The following GRM8 variants were observed in gnomAD, a reference collection of about 807,000 sequenced individuals.
GRM8 encodes the protein glutamate metabotropic receptor 8, also known as metabotropic glutamate receptor 8.
GRM8 carries 47 observed loss-of-function variants against 87.2 expected under a neutral mutation model. The ratio of observed to expected loss-of-function variants is 0.54; its 90% CI spans 0.43 to 0.69. The LOEUF (loss-of-function observed/expected upper bound fraction) is 0.69. GRM8 is among the 30% of genes least tolerant of loss of function. The probability of loss-of-function intolerance (pLI) is 0.00; values close to 1 mark genes in which losing one functional copy is unlikely to be tolerated. For missense variants in GRM8, 1,019 were observed against 1,139.2 expected, an observed-to-expected ratio of 0.89 and a Z score of 1.52; for synonymous variants, 396 against 404.5, an observed-to-expected ratio of 0.98 and a Z score of 0.25.
chr7:126,658,247 A>G (rs1418286328), intron 7 of GRM8, among the ~76,000 whole-genome samples: 1 of 152,252 alleles, frequency 6.6e-6, no homozygotes, highest in African/African-American at 2.4e-5. Flanking sequence ...TCCCAGAGTC[A>G]TGGAAAGCAG....
intron 6 of GRM8, among the ~76,000 whole-genome samples, chr7:126,889,070 TA>T (rs1336775333): frequency 1.3e-5 from 2 of 152,078 alleles, no homozygotes; most frequent in Non-Finnish European, 2.9e-5. Context: ...CATAAAGAGA[TA>T]AGTACCCATT....
At chr7:127,156,947 A>T (rs936193410) in intron 2 of GRM8, among the ~76,000 whole-genome samples, 1 of 152,196 alleles carries the variant, frequency 6.6e-6, no homozygotes, top group East Asian at 1.9e-4. Flanking sequence ...TGCAGAAATT[A>T]TCTCATAAGG....
intron 7 of GRM8, among the ~76,000 whole-genome samples, chr7:126,717,493 C>T (rs1811887836): frequency 6.6e-6 from 1 of 152,220 alleles, no homozygotes; most frequent in African/African-American, 2.4e-5. Flanking sequence ...CAACTATGGA[C>T]TTTGGGACAT....
Position 126,441,237 on chromosome 7 carries a change from A to G in GRM8, c.2678-2069T>C, listed in dbSNP as rs573552953. 3.9e-5 allele frequency among the ~76,000 whole-genome samples: 6 copies of G among 152,224 alleles called. No individual in the cohort carries two copies. The South Asian group carries it at 8.3e-4, about 21-fold the overall frequency. On this transcript the variant is annotated intron_variant, in intron 10 of 10. Transcript: ENST00000339582. ...GAAAACATGTGAATTGCCAATGCAT[A>G]TTTATGGTTTCTTTTGGTTTCATCA...
intron 6 of GRM8, among the ~76,000 whole-genome samples, chr7:126,792,185 G>A (rs1209572867): frequency 4.6e-5 from 7 of 152,152 alleles, no homozygotes; most frequent in Non-Finnish European, 8.8e-5. Context: ...AGTCCTGGGT[G>A]GCCTCTCCAT....
intron 7 of GRM8, among the ~76,000 whole-genome samples, chr7:126,749,395 T>C (rs1816125627): frequency 6.6e-6 from 1 of 152,000 alleles, no homozygotes; most frequent in Non-Finnish European, 1.5e-5. Flanking sequence ...AAGCTTGAGT[T>C]AGGCACAAAT....
chr7:126,518,794 A>AT (rs922988970), intron 9 of GRM8, among the ~76,000 whole-genome samples: 21 of 151,302 alleles, frequency 1.4e-4, no homozygotes, highest in African/African-American at 2.7e-4. Flanking sequence ...TGTAGCTGGC[A>AT]TTTTTTTTTC....
intron 1 of GRM8, among the ~76,000 whole-genome samples, chr7:127,244,449 A>C (rs1020284920): frequency 5.3e-5 from 8 of 151,708 alleles, no homozygotes; most frequent in Admixed American, 3.3e-4. Flanking sequence ...ATTCCGTAAG[A>C]TTTTTTTCAA....
chr7:127,204,639 C>T (rs17866341), intron 2 of GRM8, among the ~76,000 whole-genome samples: 23 of 151,970 alleles, frequency 1.5e-4, no homozygotes, highest in South Asian at 2.1e-4. Context: ...GAGGCATCTC[C>T]GATTTGACAT....
intron 7 of GRM8, among the ~76,000 whole-genome samples, chr7:126,618,136 G>T (rs1799723196): frequency 6.6e-6 from 1 of 152,108 alleles, no homozygotes; most frequent in South Asian, 2.1e-4. Context: ...ATACTACAAG[G>T]CTACAGTAAC....
intron 8 of GRM8, among the ~76,000 whole-genome samples, chr7:126,539,610 C>A (rs138207156): frequency 6.6e-6 from 1 of 151,854 alleles, no homozygotes; most frequent in Non-Finnish European, 1.5e-5. Flanking sequence ...GTGGCATAGA[C>A]TAGAGAGTCC....
At chr7:126,891,205 C>A (rs1800969034) in intron 6 of GRM8, among the ~76,000 whole-genome samples, 1 of 152,042 alleles carries the variant, frequency 6.6e-6, no homozygotes. Flanking sequence ...AATTGCCAAG[C>A]CCTACATATA....
At chr7:127,048,184 G>T (rs1858788) in intron 3 of GRM8, among the ~76,000 whole-genome samples, 97,109 of 152,022 alleles carry the variant, frequency 0.64, 31,741 homozygotes, top group African/African-American at 0.74. Flanking sequence ...AACTACAGTT[G>T]TGTAAAGGAT....
chr7:127,235,570 T>C (rs1797938867), intron 2 of GRM8, among the ~76,000 whole-genome samples: 2 of 152,220 alleles, frequency 1.3e-5, no homozygotes, highest in South Asian at 4.1e-4. Context: ...GGGAAGTAAC[T>C]TGTTTATCAG....
chr7:126,839,144 A>G (rs1489687188), intron 6 of GRM8, among the ~76,000 whole-genome samples: 1 of 152,188 alleles, frequency 6.6e-6, no homozygotes, highest in East Asian at 1.9e-4. Context: ...CACTTTACAT[A>G]AGGCACACAT....
In GRM8 at chr7:127,049,048, A is replaced by C. The variant is rs546195491; in HGVS notation, c.727+57448T>G. The stretch of plus-strand genomic sequence containing the variant: ...CCATTATATTCTTATTCTCCCATAG[A>C]GTTTCAAATTATATTCTTTAAAAGA... On this transcript the variant is annotated intron_variant, in intron 3 of 10. Coordinates refer to ENST00000339582, the MANE Select transcript of GRM8 (RefSeq NM_000845.3). 7.2e-4 allele frequency among the ~76,000 whole-genome samples: 110 copies of C among 152,260 alleles called. No individual in the cohort carries two copies. In the South Asian group the frequency reaches 0.015, roughly 21 times the overall value.
At chr7:126,759,417 TGAAGAAACAA>T (rs1278470047) in intron 7 of GRM8, among the ~76,000 whole-genome samples, 1 of 152,120 alleles carries the variant, frequency 6.6e-6, no homozygotes, top group African/African-American at 2.4e-5. Flanking sequence ...TATATAATTT[TGAAGAAACAA>T]GAAGAAATAA....
At chr7:126,737,907 A>G (rs540989114) in intron 7 of GRM8, among the ~76,000 whole-genome samples, 2 of 152,224 alleles carry the variant, frequency 1.3e-5, no homozygotes, top group East Asian at 3.9e-4. Flanking sequence ...TCGAAATCAG[A>G]CTAACACTAA....
chr7:127,145,188 AT>A (rs528702517), intron 2 of GRM8, among the ~76,000 whole-genome samples: 308 of 152,262 alleles, frequency 2.0e-3, no homozygotes, highest in African/African-American at 6.9e-3. Context: ...AAATTGTTAA[AT>A]CTGATTCTAG....
Sources: gnomAD v4.1 joint callset for allele counts (sites outside exome capture counted in the v4.1 genomes callset) on GRCh38, gnomAD v4.1.1 for gene constraint, MANE v1.5 for transcripts, NCBI Gene and HGNC (gene_info 2026-07-23, HGNC 2026-07-21) for gene names.